DAB1: variants seen among roughly 807,000 people sequenced by gnomAD.
DAB1 encodes DAB adaptor protein 1, also known as disabled homolog 1.
DAB1 carries 15 observed loss-of-function variants against 64.6 expected under a neutral mutation model. The ratio of observed to expected loss-of-function variants is 0.23; its 90% confidence interval spans 0.16 to 0.36. The LOEUF (loss-of-function observed/expected upper bound fraction) is 0.36. DAB1 is among the 10% of genes least tolerant of loss of function. DAB1 has a pLI of 1.00. For synonymous variants in DAB1, 235 were observed against 251.9 expected, an observed-to-expected ratio of 0.93 and a Z score of 0.64; for missense variants, 596 against 706.7, an observed-to-expected ratio of 0.84 and a Z score of 1.78.
chr1:57,105,074 G>C (rs954551760), intron 4 of DAB1, among the ~76,000 whole-genome samples: 1 of 152,138 alleles, frequency 6.6e-6, no homozygotes, highest in Non-Finnish European at 1.5e-5. Flanking sequence ...AAAAACAGGG[G>C]TGAGGGTAGG....
At chr1:57,987,885 GAGA>G (rs1342492275) in intron 5 of DAB1, among the ~76,000 whole-genome samples, 1 of 151,900 alleles carries the variant, frequency 6.6e-6, no homozygotes, top group Non-Finnish European at 1.5e-5. Context: ...GTTACTAATG[GAGA>G]AGAAGAAAAA....
intron 1 of DAB1, among the ~76,000 whole-genome samples, chr1:57,320,794 C>G (rs1451445478): frequency 6.6e-6 from 1 of 152,048 alleles, no homozygotes; most frequent in African/African-American, 2.4e-5. Flanking sequence ...AATCACAAAA[C>G]CCTATGTGGT....
intron 9 of DAB1, among the ~76,000 whole-genome samples, chr1:57,029,107 G>A (rs1181415282): frequency 2.0e-5 from 3 of 152,258 alleles, no homozygotes; most frequent in Admixed American, 2.0e-4. Flanking sequence ...TGTGGGCTGG[G>A]CCCAGGGTTC....
intron 4 of DAB1, among the ~76,000 whole-genome samples, chr1:57,085,965 G>C (rs1455245787): frequency 6.6e-6 from 1 of 152,172 alleles, no homozygotes; most frequent in Non-Finnish European, 1.5e-5. Flanking sequence ...GTTCTATCCA[G>C]AAGGATAGCA....
intron 2 of DAB1, chr1:58,506,267 A>G (rs1320828737): frequency 2.6e-6 from 2 of 779,332 alleles, no homozygotes; most frequent in East Asian, 2.5e-5. Context: ...TTTTTTAAAA[A>G]CTACTACTTT....
At chr1:57,680,378 G>T (rs146916860) in intron 6 of DAB1, among the ~76,000 whole-genome samples, 1 of 152,358 alleles carries the variant, frequency 6.6e-6, no homozygotes, top group African/African-American at 2.4e-5. Context: ...TGGTTCAGAA[G>T]TCTGACACAG....
At chr1:57,026,070 G>T in intron 9 of DAB1, 27 bp from the exon 10 acceptor site, 1 of 1,578,230 alleles carries the variant, frequency 6.3e-7, no homozygotes, top group Non-Finnish European at 8.7e-7. Flanking sequence ...GTAATCATGT[G>T]ACTACAAAGA....
chr1:58,490,251 C>T (rs1025538657), intron 3 of DAB1, among the ~76,000 whole-genome samples: 31 of 152,086 alleles, frequency 2.0e-4, no homozygotes, highest in Admixed American at 1.0e-3. Context: ...CCTTAAAGGA[C>T]CTGATGGAGC....
chr1:57,658,457 C>T (rs185526407), intron 6 of DAB1, among the ~76,000 whole-genome samples: 1 of 151,968 alleles, frequency 6.6e-6, no homozygotes, highest in East Asian at 1.9e-4. Context: ...GCGCCCACCA[C>T]CATGCCCGGC....
At chr1:58,043,854 A>G (rs1647181718) in intron 5 of DAB1, among the ~76,000 whole-genome samples, 1 of 152,014 alleles carries the variant, frequency 6.6e-6, no homozygotes, top group African/African-American at 2.4e-5. Context: ...CAGCCTCCCG[A>G]GTAGCTGGGA....
rs867260021 is a variant in DAB1 at position 57,147,252 on chromosome 1, A to G, written c.68-1823T>C. Among the ~76,000 whole-genome samples the G allele has an allele frequency of 4.5e-4, 68 of 151,992 alleles. 1 individual carries two copies. The highest frequency in any genetic ancestry group is 1.3e-3 in the African/African-American group (53 of 41,458). ...TGCCCAGTCTCAGACTTTCAGACTC[A>G]ACCAATCCACCACCTTGGCCTCCCC... is the stretch of plus-strand genomic sequence containing the variant. On this transcript the variant is annotated intron_variant, in intron 2 of 14. Coordinates refer to ENST00000371236, the MANE Select transcript of DAB1 (RefSeq NM_001365792.1).
chr1:58,181,454 T>A (rs1219177672), intron 4 of DAB1, among the ~76,000 whole-genome samples: 1 of 152,156 alleles, frequency 6.6e-6, no homozygotes, highest in African/African-American at 2.4e-5. Flanking sequence ...ACTATTGATA[T>A]GGATGGATTT....
At chr1:57,193,387 T>TTTTTTTG (rs1664326269) in intron 2 of DAB1, among the ~76,000 whole-genome samples, 1 of 131,956 alleles carries the variant, frequency 7.6e-6, no homozygotes, top group Non-Finnish European at 1.6e-5. Context: ...ATATGTTTTT[T>TTTTTTTG]TTTTTTTTTT....
In DAB1 at chr1:57,176,294, C is replaced by T. The variant is rs549863712; in HGVS notation, c.68-30865G>A. The stretch of plus-strand genomic sequence containing the variant: ...GAGGTTTATTGCACTTATAGTTCCA[C>T]CTGACTGGGGAGGCCTCACAGTCAT... On this transcript the variant is annotated intron_variant, in intron 2 of 14. Coordinates refer to ENST00000371236, the MANE Select transcript of DAB1 (RefSeq NM_001365792.1). 1.1e-3 allele frequency among the ~76,000 whole-genome samples: 167 copies of T among 152,280 alleles called. 1 individual carries two copies. The highest frequency in any genetic ancestry group is 3.9e-3 in the African/African-American group (162 of 41,564).
intron 5 of DAB1, among the ~76,000 whole-genome samples, chr1:57,974,014 C>T (rs1276862341): frequency 6.6e-6 from 1 of 152,120 alleles, no homozygotes; most frequent in Non-Finnish European, 1.5e-5. Context: ...CTTCTTCCCC[C>T]TCTCTGACTT....
At chr1:58,150,314 A>G (rs1403925029) in intron 5 of DAB1, among the ~76,000 whole-genome samples, 1 of 152,168 alleles carries the variant, frequency 6.6e-6, no homozygotes, top group Non-Finnish European at 1.5e-5. Flanking sequence ...TGCCTACAAA[A>G]CCCAGAAGCA....
intron 3 of DAB1, among the ~76,000 whole-genome samples, chr1:58,408,644 C>T (rs1206303718): frequency 6.6e-6 from 1 of 151,818 alleles, no homozygotes; most frequent in Non-Finnish European, 1.5e-5. Flanking sequence ...GAAGTGGAGA[C>T]AGGAAAAAAG....
rs148366377 is a variant in DAB1, at chr1:57,141,084, A to C, written c.207+4206T>G. Among the ~76,000 whole-genome samples, 60 of 152,306 alleles carry C rather than the reference A, an allele frequency of 3.9e-4. No homozygotes were observed. The East Asian group carries it at 0.011, about 27-fold the overall frequency. ...TGAAAACCTTAGAACGCTATTCCAG[A>C]AAGCCCCATGTAATAAGCCCGGTCT... On this transcript the variant is annotated intron_variant, in intron 3 of 14. Transcript: ENST00000371236.
At chr1:58,192,510 T>C (rs1045610398) in intron 4 of DAB1, among the ~76,000 whole-genome samples, 3 of 152,184 alleles carry the variant, frequency 2.0e-5, no homozygotes, top group Admixed American at 6.5e-5. Context: ...AAGTGAGACA[T>C]GTAGTATTTG....
Sources: allele counts gnomAD v4.1 joint callset (sites outside exome capture counted in the v4.1 genomes callset), GRCh38; gene constraint gnomAD v4.1.1; transcripts MANE v1.5; gene names NCBI Gene and HGNC (gene_info 2026-07-23, HGNC 2026-07-21).